Variants in DAB1 observed in about 807,000 individuals in gnomAD.
DAB1 encodes the protein DAB adaptor protein 1.
In DAB1, 15 loss-of-function variants were observed where a neutral mutation model predicts 64.6. That is an observed-to-expected ratio of 0.23 (90% CI 0.16 to 0.36). DAB1 has a LOEUF of 0.36. Among genes scored for constraint, DAB1 ranks in the 10% least tolerant of loss-of-function variants. DAB1 has a pLI of 1.00. For synonymous variants in DAB1, 235 were observed against 251.9 expected (o/e 0.93, Z 0.64); for missense variants, 596 against 706.7 (o/e 0.84, Z 1.78).
intron 5 of DAB1, among the ~76,000 whole-genome samples, chr1:57,902,525 T>C (rs1644491162): frequency 6.6e-6 from 1 of 152,168 alleles, no homozygotes; most frequent in African/African-American, 2.4e-5. Flanking sequence ...TCTTTCCCAT[T>C]TAGGATCAAA....
At chr1:58,479,129 A>G (rs1645448178) in intron 3 of DAB1, among the ~76,000 whole-genome samples, 1 of 152,192 alleles carries the variant, frequency 6.6e-6, no homozygotes, top group Admixed American at 6.5e-5. Flanking sequence ...CACAATTAGA[A>G]GTGACAATGG....
intron 1 of DAB1, chr1:58,536,728 A>G: frequency 2.3e-6 from 2 of 872,448 alleles, no homozygotes; most frequent in Non-Finnish European, 4.0e-6. Context: ...GCCTGCCACC[A>G]TTTCCTTATG....
At chr1:57,302,192 G>A (rs1388507204) in intron 1 of DAB1, among the ~76,000 whole-genome samples, 3 of 152,140 alleles carry the variant, frequency 2.0e-5, no homozygotes, top group African/African-American at 7.2e-5. Context: ...AAAAGCACAC[G>A]CAACAGCAAT....
At chr1:57,844,462 G>T (rs1653189028) in intron 1 of DAB1, among the ~76,000 whole-genome samples, 1 of 152,174 alleles carries the variant, frequency 6.6e-6, no homozygotes, top group African/African-American at 2.4e-5. Flanking sequence ...GCTGCCTCAA[G>T]AAGAAATCAT....
chr1:57,151,095 G>A (rs937709366), intron 2 of DAB1, among the ~76,000 whole-genome samples: 1 of 152,160 alleles, frequency 6.6e-6, no homozygotes, highest in Admixed American at 6.5e-5. Context: ...TAGAGGGCAT[G>A]GCTAGAGCGA....
At chr1:58,076,551 A>T (rs543741258) in intron 5 of DAB1, among the ~76,000 whole-genome samples, 2 of 152,330 alleles carry the variant, frequency 1.3e-5, no homozygotes, top group South Asian at 4.2e-4. Flanking sequence ...ACACTAAAGG[A>T]TTGTTGTCAC....
rs1215935473 is a variant in DAB1 at position 57,799,518 on chromosome 1, T to C, written n.551+84481A>G. On this transcript the variant is annotated intron_variant and non_coding_transcript_variant, in intron 6 of 20. Transcript: ENST00000485760. ...AGTGTTTCCAGGCCAGACTGATTTG[T>C]TTTGATTTTAGGCAATATAGAGTCA... Among the ~76,000 whole-genome samples, 2 of 151,156 alleles carry C rather than the reference T, an allele frequency of 1.3e-5. 1 individual carries two copies. The highest frequency in any genetic ancestry group is 4.2e-4 in the South Asian group (2 of 4,764).
At chr1:57,330,610 T>C (rs1676580084) in intron 1 of DAB1, among the ~76,000 whole-genome samples, 1 of 152,184 alleles carries the variant, frequency 6.6e-6, no homozygotes, top group Non-Finnish European at 1.5e-5. Flanking sequence ...TTTAGGATTC[T>C]TGCATTTTCC....
chr1:57,955,395 C>A (rs1645368466), intron 5 of DAB1, among the ~76,000 whole-genome samples: 2 of 152,150 alleles, frequency 1.3e-5, no homozygotes, highest in Admixed American at 1.3e-4. Flanking sequence ...CTGACTTAGT[C>A]CCTTGTCCTT....
chr1:58,485,412 GTTTC>G (rs1186857841), intron 3 of DAB1, among the ~76,000 whole-genome samples: 2 of 151,756 alleles, frequency 1.3e-5, no homozygotes, highest in Non-Finnish European at 2.9e-5. Flanking sequence ...TCTGAGCTAG[GTTTC>G]TTTAATTGCT....
At chr1:57,017,508 G>C (rs527813384) in intron 11 of DAB1, among the ~76,000 whole-genome samples, 1 of 152,284 alleles carries the variant, frequency 6.6e-6, no homozygotes, top group Non-Finnish European at 1.5e-5. Context: ...GACTGATACA[G>C]GCTAGAGCCA....
intron 2 of DAB1, among the ~76,000 whole-genome samples, chr1:57,180,040 C>A (rs1293622766): frequency 6.6e-6 from 1 of 152,200 alleles, no homozygotes; most frequent in Non-Finnish European, 1.5e-5. Flanking sequence ...TTAACACACA[C>A]TGTTTGCATC....
At chr1:57,022,940 A>AT (rs1388545614) in intron 11 of DAB1, among the ~76,000 whole-genome samples, 1 of 152,222 alleles carries the variant, frequency 6.6e-6, no homozygotes, top group Non-Finnish European at 1.5e-5. Flanking sequence ...GCCACTATAT[A>AT]TTTTTTTAAC....
intron 7 of DAB1, among the ~76,000 whole-genome samples, chr1:57,573,495 C>G (rs1362181435): frequency 2.0e-5 from 3 of 152,228 alleles, no homozygotes; most frequent in African/African-American, 7.2e-5. Flanking sequence ...AAACTCCCAG[C>G]ACCCATGCAA....
At chr1:57,021,307 C>G (rs761772037) in intron 11 of DAB1, among the ~76,000 whole-genome samples, 7 of 152,146 alleles carry the variant, frequency 4.6e-5, no homozygotes, top group Non-Finnish European at 7.4e-5. Context: ...CTTCCAAGTC[C>G]CTAATCTGGT....
chr1:57,206,911 G>A (rs1429390242), intron 2 of DAB1, among the ~76,000 whole-genome samples: 2 of 148,996 alleles, frequency 1.3e-5, no homozygotes, highest in Non-Finnish European at 3.0e-5. Context: ...ACACTTAAAT[G>A]ACAAACACAA....
chr1:57,241,585 G>A (rs904556472), intron 2 of DAB1, among the ~76,000 whole-genome samples: 7 of 152,166 alleles, frequency 4.6e-5, no homozygotes, highest in African/African-American at 1.7e-4. Flanking sequence ...ACTCTTCAGT[G>A]CATTTGGTCA....
chr1:57,031,066 C>T (rs144891631), intron 9 of DAB1, among the ~76,000 whole-genome samples: 1 of 152,158 alleles, frequency 6.6e-6, no homozygotes, highest in Non-Finnish European at 1.5e-5. Context: ...TTTAAAATAA[C>T]CTTCATACTT....
At chr1:57,634,221 A>G (rs924186390) in intron 7 of DAB1, among the ~76,000 whole-genome samples, 1 of 152,216 alleles carries the variant, frequency 6.6e-6, no homozygotes, top group Non-Finnish European at 1.5e-5. Context: ...GAAGACAATA[A>G]TGTAAGATTT....
Sources: allele counts gnomAD v4.1 joint callset (sites outside exome capture counted in the v4.1 genomes callset), GRCh38; gene constraint gnomAD v4.1.1; transcripts MANE v1.5; gene names NCBI Gene and HGNC (gene_info 2026-07-23, HGNC 2026-07-21).